Variants in MAST2 observed in about 807,000 individuals in gnomAD.
The protein encoded by MAST2 is microtubule-associated serine/threonine-protein kinase 2.
MAST2 carries 70 observed loss-of-function variants against 147.4 expected under a neutral mutation model. That is an observed-to-expected ratio of 0.47 (90% CI 0.39 to 0.58). The LOEUF is 0.58. Ranked by LOEUF, MAST2 falls within the 20% of genes least tolerant of loss-of-function variation. MAST2 has a pLI of 0.00. For missense variants in MAST2, 2,080 were observed against 2,302.3 expected, an observed-to-expected ratio of 0.90 and a Z score of 1.98; for synonymous variants, 869 against 896.8, an observed-to-expected ratio of 0.97 and a Z score of 0.55.
In MAST2 at chr1:46,035,769, G is replaced by A. The variant is rs775756457; in HGVS notation, c.5100G>A (p.Arg1700=). The A allele has an allele frequency of 2.8e-5, 45 of 1,613,964 alleles. No homozygotes were observed. The South Asian group carries it at 4.5e-4, about 16-fold the overall frequency. The change falls in exon 29 of 29, where the codon AGG becomes AGA. Residue 1700 remains arginine (R), a synonymous_variant. Transcript: ENST00000361297. The surrounding 1 kb of genome is among the most constrained non-coding windows in gnomAD (Gnocchi z 5.5). The stretch of plus-strand genomic sequence containing the variant: ...CCCAGCCTAAGAACCTGTCTCCCAG[G>A]GAGCAGGGGAAGACACAGCCACCTA... ...TPAQPKNLSP[R]EQGKTQPPSA...
chr1:45,807,903 A>C lies in MAST2; in HGVS notation c.177+3831A>C, dbSNP rs74227055. ...GAAAGTTCATAATTTGTAATAATTT[A>C]TGATTTTAAAAAGGCCAAAATTTTC... is the stretch of plus-strand genomic sequence containing the variant. On this transcript the variant is annotated intron_variant, in intron 1 of 28. Transcript: ENST00000361297. Among the ~76,000 whole-genome samples the C allele has an allele frequency of 3.5e-3, 538 of 152,326 alleles. 6 individuals carry two copies. The highest frequency in any genetic ancestry group is 0.034 in the East Asian group (176 of 5,188).
At chr1:45,865,926 A>G (rs1219815039) in intron 3 of MAST2, among the ~76,000 whole-genome samples, 1 of 152,220 alleles carries the variant, frequency 6.6e-6, no homozygotes, top group Non-Finnish European at 1.5e-5. Flanking sequence ...AGTGTAAATC[A>G]CTGAGCTAAT....
At chr1:45,853,361 A>G (rs1040715993) in intron 3 of MAST2, among the ~76,000 whole-genome samples, 1 of 151,974 alleles carries the variant, frequency 6.6e-6, no homozygotes, top group Non-Finnish European at 1.5e-5. Flanking sequence ...TTTAAAAATA[A>G]TTATTGTTTT....
chr1:46,010,273 C>T (rs1474575888), intron 9 of MAST2, among the ~76,000 whole-genome samples: 1 of 152,138 alleles, frequency 6.6e-6, no homozygotes, highest in Non-Finnish European at 1.5e-5. Context: ...GAATGGAAAC[C>T]CATTTGCCTG....
chr1:45,858,306 T>C (rs1645860072), intron 3 of MAST2, among the ~76,000 whole-genome samples: 1 of 152,228 alleles, frequency 6.6e-6, no homozygotes, highest in Admixed American at 6.5e-5. Context: ...ATTGCCATTC[T>C]AACTGAAATG....
chr1:46,009,605 ATC>A (rs1328665321), intron 9 of MAST2, among the ~76,000 whole-genome samples: 1 of 152,222 alleles, frequency 6.6e-6, no homozygotes, highest in Non-Finnish European at 1.5e-5. Flanking sequence ...TGAGAAATGT[ATC>A]TCATGCTTGT....
rs753216647 is a variant in MAST2 at position 46,030,966 on chromosome 1, G to A, written c.2709-41G>A. On this transcript the variant is annotated intron_variant, in intron 22 of 28. Coordinates refer to ENST00000361297, the MANE Select transcript of MAST2 (RefSeq NM_015112.3). ...CTAAGGAGACCTGGCAGGAGGAGGG[G>A]GACCACCTGGGTCACTCACCCCAGG... 3.1e-6 allele frequency: 5 copies of A among 1,594,188 alleles called. No individual in the cohort carries two copies. The South Asian group carries it at 4.5e-5, about 14-fold the overall frequency.
rs1007158501 is a variant in MAST2, at chr1:45,835,511, T to C, written c.468+5930T>C. Among the ~76,000 whole-genome samples, 2 of 152,192 alleles carry C rather than the reference T, an allele frequency of 1.3e-5. 1 individual carries two copies. Among genetic ancestry groups the C allele is most frequent in the South Asian group, 4.1e-4 (2 of 4,832 alleles). The stretch of plus-strand genomic sequence containing the variant: ...ATATTTCTAACCAGAACAAAAGATG[T>C]GATATTCTGTTGAACATTTTATCAT... On this transcript the variant is annotated intron_variant, in intron 3 of 28. Coordinates refer to ENST00000361297, the MANE Select transcript of MAST2 (RefSeq NM_015112.3).
intron 4 of MAST2, among the ~76,000 whole-genome samples, chr1:45,942,433 G>A (rs1657435783): frequency 6.6e-6 from 1 of 152,204 alleles, no homozygotes; most frequent in South Asian, 2.1e-4. Flanking sequence ...TTGGCAACAT[G>A]TATTCATGTG....
chr1:45,821,885 C>CTTTTT lies in MAST2; in HGVS notation c.178-2532_178-2528dup, dbSNP rs71587723. ...TATTCATATATTGTTTCACCTTCAC[C>CTTTTT]TTTTTTTTTTTTTTTTTTTTGGTGA... On this transcript the variant is annotated intron_variant, in intron 1 of 28. Coordinates refer to ENST00000361297, the MANE Select transcript of MAST2 (RefSeq NM_015112.3). 2.7e-3 allele frequency among the ~76,000 whole-genome samples: 269 copies of CTTTTT among 100,842 alleles called. 23 individuals are homozygous for CTTTTT. Among genetic ancestry groups the CTTTTT allele is most frequent in the African/African-American group, 8.5e-3 (210 of 24,660 alleles). The allele number at this position is 100,842 out of a possible 152,430, so 66.2% of individuals were successfully genotyped here.
rs1646100921 is a variant in MAST2, at chr1:46,019,613, G to T, written c.1206G>T (p.Glu402Asp). The change falls in exon 11 of 29, where the codon GAG (glutamate) becomes GAT (aspartate). Residue 402 changes from glutamate to aspartate, a missense_variant. Physicochemically the swap from Glu to Asp is conservative, Grantham distance 45. Around this residue, in one of 4 missense-constraint regions of MAST2, gnomAD observed 569 missense variants for 642.5 expected, o/e 0.89. Transcript: ENST00000361297. ...KLLQDAHERS[E>D]SSEVAFVMQL... Reference sequence around the variant, plus strand: ...CTCTATAGGCTCATGAGCGCTCAGAGAGCTCAGAAGTGGCTTTTGTGATGC... The same window carrying T: ...CTCTATAGGCTCATGAGCGCTCAGATAGCTCAGAAGTGGCTTTTGTGATGC... The T allele has an allele frequency of 1.2e-6, 2 of 1,613,962 alleles. No individual in the cohort carries two copies. The highest frequency in any genetic ancestry group is 1.7e-6 in the Non-Finnish European group (2 of 1,179,992).
At chr1:45,913,579 G>A in intron 4 of MAST2, 1 of 991,900 alleles carries the variant, frequency 1.0e-6, no homozygotes, top group Non-Finnish European at 1.2e-6. Context: ...GCAGATCAGA[G>A]GACAGCTGAT....
At chr1:45,849,557 C>T (rs6680428) in intron 3 of MAST2, among the ~76,000 whole-genome samples, 66,978 of 149,410 alleles carry the variant, frequency 0.45, 15,138 homozygotes, top group East Asian at 0.62. Flanking sequence ...GATGGAGTCT[C>T]TCTCTGTCAC....
Position 45,829,513 on chromosome 1 carries a change from G to A in MAST2, c.400G>A (p.Ala134Thr). The A allele has an allele frequency of 6.2e-7, 1 of 1,614,180 alleles. No homozygotes were observed. The highest frequency in any genetic ancestry group is 1.1e-5 in the South Asian group (1 of 91,082). Residue 134 changes from alanine (A) to threonine (T), a missense_variant, in exon 3 of 29, where the codon GCA (alanine) becomes ACA (threonine). Ala to Thr is a moderately conservative substitution (Grantham distance 58, BLOSUM62 0). Coordinates refer to ENST00000361297, the MANE Select transcript of MAST2 (RefSeq NM_015112.3). ...GGTGACTTGGCAGTCGTCAGGAGAA[G>A]CATCAAACCTGGTTCGAATGAGAAA... ...GQVTWQSSGE[A>T]SNLVRMRNQS... is the part of the protein sequence containing the mutation.
intron 1 of MAST2, among the ~76,000 whole-genome samples, chr1:45,809,632 G>A (rs1461318556): frequency 1.3e-5 from 2 of 152,054 alleles, no homozygotes; most frequent in Non-Finnish European, 1.5e-5. Context: ...ACCGTGTCTC[G>A]TAAAGAAAGC....
intron 10 of MAST2, 98 bp from the exon 11 acceptor site, chr1:46,019,498 C>T: frequency 6.6e-6 from 6 of 914,908 alleles, no homozygotes; most frequent in Admixed American, 2.0e-5. Flanking sequence ...TCTATGCTAC[C>T]GAATTGTTTC....
At chr1:45,991,987 C>T (rs1006572972) in intron 5 of MAST2, among the ~76,000 whole-genome samples, 3 of 152,096 alleles carry the variant, frequency 2.0e-5, no homozygotes, top group African/African-American at 4.8e-5. Flanking sequence ...ACTCAGCCTC[C>T]GAAAGTGCCA....
chr1:45,915,350 A>G (rs552709908), intron 4 of MAST2, among the ~76,000 whole-genome samples: 1 of 152,200 alleles, frequency 6.6e-6, no homozygotes, highest in Non-Finnish European at 1.5e-5. Context: ...GTTTCAAACA[A>G]TCCTTTTTAG....
chr1:46,028,652 G>A (rs879008045), intron 17 of MAST2, 116 bp from the exon 18 acceptor site: 43 of 1,033,600 alleles, frequency 4.2e-5, no homozygotes, highest in Non-Finnish European at 5.7e-5. Context: ...AACTAAGGTG[G>A]GCTGAGTCTT....
Sources: gnomAD v4.1 joint callset for allele counts (sites outside exome capture counted in the v4.1 genomes callset) on GRCh38, gnomAD v4.1.1 for gene constraint, gnomAD v4.1.1 regional missense constraint, Gnocchi (gnomAD v3.1) non-coding constraint, MANE v1.5 for transcripts, NCBI Gene and HGNC (gene_info 2026-07-23, HGNC 2026-07-21) for gene names.